The following CNTNAP5 variants were observed in gnomAD, a reference collection of about 807,000 sequenced individuals.
The protein encoded by CNTNAP5 is contactin associated protein family member 5.
Under a neutral mutation model 150.2 loss-of-function variants are expected in CNTNAP5, and 72 were observed. The observed-to-expected ratio is 0.48, with a 90% confidence interval of 0.40 to 0.58. The LOEUF (loss-of-function observed/expected upper bound fraction) is 0.58. Ranked by LOEUF, CNTNAP5 falls within the 20% of genes least tolerant of loss-of-function variation. CNTNAP5 has a pLI of 0.00. For synonymous variants in CNTNAP5, 672 were observed against 619.8 expected (o/e 1.08, Z -1.25); for missense variants, 1,636 against 1,626.2 (o/e 1.01, Z -0.10).
chr2:124,087,396 A>C (rs1428754869), intron 1 of CNTNAP5, among the ~76,000 whole-genome samples: 4 of 151,816 alleles, frequency 2.6e-5, no homozygotes, highest in African/African-American at 9.7e-5. Context: ...AGATTTCTTC[A>C]TCTGAGGTTT....
At chr2:124,410,965 A>C (rs1391127684) in intron 3 of CNTNAP5, among the ~76,000 whole-genome samples, 1 of 152,106 alleles carries the variant, frequency 6.6e-6, no homozygotes, top group Admixed American at 6.6e-5. Context: ...AGGATCAACA[A>C]AATTGATAGA....
chr2:124,525,614 C>G (rs1218045959), intron 9 of CNTNAP5, among the ~76,000 whole-genome samples: 5 of 152,108 alleles, frequency 3.3e-5, no homozygotes. Flanking sequence ...GTGTACATAT[C>G]GAGGTCTCCT....
chr2:124,430,322 T>C (rs1357013086), intron 4 of CNTNAP5, among the ~76,000 whole-genome samples: 1 of 152,168 alleles, frequency 6.6e-6, no homozygotes, highest in Non-Finnish European at 1.5e-5. Context: ...TTGTCTTATT[T>C]GTAAAGGGGG....
intron 19 of CNTNAP5, among the ~76,000 whole-genome samples, chr2:124,857,448 C>A (rs948295891): frequency 6.6e-6 from 1 of 152,004 alleles, no homozygotes; most frequent in Non-Finnish European, 1.5e-5. Flanking sequence ...TAAACCAGTG[C>A]AGAGACTGCT....
At chr2:124,843,805 C>A (rs1422101740) in intron 19 of CNTNAP5, among the ~76,000 whole-genome samples, 1 of 151,948 alleles carries the variant, frequency 6.6e-6, no homozygotes, top group African/African-American at 2.4e-5. Context: ...TGTATATTTT[C>A]TTTTGAGAAT....
At chr2:124,402,339 A>G (rs1372782007) in intron 3 of CNTNAP5, among the ~76,000 whole-genome samples, 1 of 152,198 alleles carries the variant, frequency 6.6e-6, no homozygotes, top group Non-Finnish European at 1.5e-5. Context: ...TTTTACTGCC[A>G]GAGACAGAGG....
At chr2:124,410,763 C>T (rs374573967) in intron 3 of CNTNAP5, among the ~76,000 whole-genome samples, 1 of 150,642 alleles carries the variant, frequency 6.6e-6, no homozygotes, top group South Asian at 2.1e-4. Context: ...ACTAAATGCC[C>T]ACAAGAGAAA....
chr2:124,486,285 A>G (rs1246895205), intron 7 of CNTNAP5, among the ~76,000 whole-genome samples: 1 of 152,092 alleles, frequency 6.6e-6, no homozygotes, highest in Non-Finnish European at 1.5e-5. Context: ...AATAAAACGG[A>G]CTTTGGGGAC....
intron 16 of CNTNAP5, among the ~76,000 whole-genome samples, chr2:124,771,724 CCAT>C (rs1256509941): frequency 2.4e-4 from 34 of 144,674 alleles, no homozygotes; most frequent in Non-Finnish European, 4.8e-4. Context: ...TTCATCACCA[CCAT>C]CACCACCACC....
chr2:124,860,990 T>G (rs1677512678), intron 19 of CNTNAP5, among the ~76,000 whole-genome samples: 1 of 151,934 alleles, frequency 6.6e-6, no homozygotes, highest in African/African-American at 2.4e-5. Flanking sequence ...AAAAGTTATT[T>G]ACTTCCCAGC....
chr2:124,774,915 G>T (rs1011666926), intron 17 of CNTNAP5, among the ~76,000 whole-genome samples: 2 of 152,272 alleles, frequency 1.3e-5, no homozygotes, highest in African/African-American at 4.8e-5. Context: ...ATCTGCAGAC[G>T]TTTCGGTTAA....
chr2:124,907,225 C>T (rs974619669), intron 22 of CNTNAP5, among the ~76,000 whole-genome samples: 1 of 151,976 alleles, frequency 6.6e-6, no homozygotes, highest in Non-Finnish European at 1.5e-5. Context: ...AAGCCCATTA[C>T]AAAAGGAAAT....
intron 1 of CNTNAP5, among the ~76,000 whole-genome samples, chr2:124,026,526 G>T (rs542929910): frequency 5.3e-5 from 8 of 152,192 alleles, no homozygotes; most frequent in Non-Finnish European, 1.0e-4. Flanking sequence ...AATCCAGTCC[G>T]TCAAACTTGA....
intron 6 of CNTNAP5, among the ~76,000 whole-genome samples, chr2:124,448,141 G>A (rs1692870069): frequency 6.6e-6 from 1 of 151,916 alleles, no homozygotes; most frequent in Admixed American, 6.6e-5. Flanking sequence ...GGTGGCTCGC[G>A]CCTGTAGTTC....
At chr2:124,337,929 G>C (rs1384874611) in intron 3 of CNTNAP5, among the ~76,000 whole-genome samples, 1 of 151,836 alleles carries the variant, frequency 6.6e-6, no homozygotes, top group African/African-American at 2.4e-5. Context: ...TGGTGGGAAT[G>C]GCCCTGAATC....
chr2:124,344,067 G>A (rs1405166080), intron 3 of CNTNAP5, among the ~76,000 whole-genome samples: 2 of 152,106 alleles, frequency 1.3e-5, no homozygotes, highest in Admixed American at 6.5e-5. Flanking sequence ...CACCACAAGG[G>A]CAGAGCCCTC....
At chr2:124,351,787 C>T (rs950768944) in intron 3 of CNTNAP5, among the ~76,000 whole-genome samples, 51 of 152,188 alleles carry the variant, frequency 3.4e-4, no homozygotes, top group African/African-American at 1.1e-3. Context: ...GGAGATCAGC[C>T]GCCACTCATT....
At chr2:124,214,322 G>A (rs1204651870) in intron 1 of CNTNAP5, among the ~76,000 whole-genome samples, 1 of 152,128 alleles carries the variant, frequency 6.6e-6, no homozygotes, top group East Asian at 1.9e-4. Flanking sequence ...TAAAAGCCTG[G>A]AAGGAATCCC....
chr2:124,411,053 T>G (rs1160831321), intron 3 of CNTNAP5, among the ~76,000 whole-genome samples: 2 of 152,238 alleles, frequency 1.3e-5, no homozygotes, highest in East Asian at 3.9e-4. Context: ...GGGATATCAC[T>G]GCCGATCCCA....
Sources: gnomAD v4.1 joint callset for allele counts (sites outside exome capture counted in the v4.1 genomes callset) on GRCh38, gnomAD v4.1.1 for gene constraint, MANE v1.5 for transcripts, NCBI Gene and HGNC (gene_info 2026-07-23, HGNC 2026-07-21) for gene names.